The following RNF220 variants were observed in gnomAD, a reference collection of about 807,000 sequenced individuals.
RNF220 encodes ring finger protein 220.
A neutral mutation model predicts 67.1 loss-of-function variants in RNF220; 7 were observed. The ratio of observed to expected loss-of-function variants is 0.10; its 90% CI spans 0.06 to 0.20. The LOEUF (loss-of-function observed/expected upper bound fraction) is 0.20. RNF220 is among the 10% of genes least tolerant of loss of function. The pLI is 1.00. For missense variants in RNF220, 565 were observed against 740.3 expected (o/e 0.76, Z 2.75); for synonymous variants, 270 against 283.2 (o/e 0.95, Z 0.47).
intron 2 of RNF220, among the ~76,000 whole-genome samples, chr1:44,584,744 G>A (rs979942308): frequency 6.6e-6 from 1 of 152,192 alleles, no homozygotes; most frequent in Non-Finnish European, 1.5e-5. Context: ...TGTCGCCTAG[G>A]CTGGAGTGCA....
At chr1:44,619,942 AGT>A (rs956499880) in intron 3 of RNF220, among the ~76,000 whole-genome samples, 3 of 152,172 alleles carry the variant, frequency 2.0e-5, no homozygotes, top group Non-Finnish European at 2.9e-5. Context: ...GACAGTGAAG[AGT>A]GTTGCTAGGA....
chr1:44,625,807 G>A (rs1465952034), intron 4 of RNF220, among the ~76,000 whole-genome samples: 1 of 151,924 alleles, frequency 6.6e-6, no homozygotes, highest in Admixed American at 6.6e-5. Context: ...GGTCATCACC[G>A]TAGCACCGGG....
intron 2 of RNF220, among the ~76,000 whole-genome samples, chr1:44,504,197 T>G (rs1658205225): frequency 6.6e-6 from 1 of 152,172 alleles, no homozygotes; most frequent in African/African-American, 2.4e-5. Flanking sequence ...CTCCGTAAAG[T>G]TCTAGGTATG....
chr1:44,481,182 A>C (rs1655774057), intron 2 of RNF220, among the ~76,000 whole-genome samples: 2 of 152,090 alleles, frequency 1.3e-5, no homozygotes, highest in Admixed American at 6.5e-5. Flanking sequence ...CAGCACGTTG[A>C]GAGGCTGAGG....
intron 2 of RNF220, among the ~76,000 whole-genome samples, chr1:44,513,965 G>A (rs964498282): frequency 2.6e-5 from 4 of 152,224 alleles, no homozygotes; most frequent in African/African-American, 9.6e-5. Flanking sequence ...GAGAAGAAGG[G>A]AGAAAAGAAC....
chr1:44,415,073 T>C (rs1648384512), intron 2 of RNF220, among the ~76,000 whole-genome samples: 1 of 147,252 alleles, frequency 6.8e-6, no homozygotes, highest in Non-Finnish European at 1.5e-5. Flanking sequence ...CTAGATAGCG[T>C]TTGTGCTTTT....
In RNF220 at chr1:44,649,881, A is replaced by G; in HGVS notation, c.1555-2A>G. 1 of 1,613,954 alleles carries G rather than the reference A, an allele frequency of 6.2e-7. No homozygotes were observed. Among genetic ancestry groups the G allele is most frequent in the Non-Finnish European group, 8.5e-7 (1 of 1,179,908 alleles). ...ACCCCTTCTCTGCCCCCTCCTCCCT[A>G]GGACTCGTACTCGATGCCCCTAACG... is the stretch of plus-strand genomic sequence containing the variant. On this transcript the variant is annotated splice_acceptor_variant, in intron 13 of 14. Coordinates refer to ENST00000361799, the MANE Select transcript of RNF220 (RefSeq NM_018150.4). LOFTEE classifies it high-confidence loss of function. The surrounding 1 kb of genome is among the most constrained non-coding windows in gnomAD (Gnocchi z 5.9).
intron 1 of RNF220, among the ~76,000 whole-genome samples, chr1:44,405,796 T>C (rs1325794964): frequency 2.6e-5 from 3 of 116,580 alleles, no homozygotes; most frequent in African/African-American, 9.9e-5. Flanking sequence ...TAATGTGTTT[T>C]ATTTGGGGAG....
intron 2 of RNF220, among the ~76,000 whole-genome samples, chr1:44,460,452 G>A (rs766096238): frequency 6.6e-6 from 1 of 152,220 alleles, no homozygotes; most frequent in South Asian, 2.1e-4. Flanking sequence ...GGAAATGGGT[G>A]TAGGTAACTA....
At chr1:44,636,415 T>G (rs992536287) in intron 8 of RNF220, 3 of 720,356 alleles carry the variant, frequency 4.2e-6, no homozygotes, top group African/African-American at 3.5e-5. Context: ...GGCTCTCAGC[T>G]TCGGGTGATG....
chr1:44,474,990 A>AT (rs377669968), intron 2 of RNF220, among the ~76,000 whole-genome samples: 21 of 150,518 alleles, frequency 1.4e-4, no homozygotes, highest in South Asian at 2.1e-4. Flanking sequence ...CAATTGGAGA[A>AT]TTTTTTTTTT....
At position 44,632,403 on chromosome 1, in the gene RNF220, CCT is replaced by C; in HGVS notation, c.949+20_949+21del. ...ACTGAATGGTGAGTCCTGCCCGGCC[CCT>C]CCCTCCGCCCCACCCCCGGCCTCCT... On this transcript the variant is annotated intron_variant, in intron 6 of 14. Transcript: ENST00000361799. 1.2e-6 allele frequency: 2 copies of C among 1,604,560 alleles called. No individual in the cohort carries two copies. Among genetic ancestry groups the C allele is most frequent in the Non-Finnish European group, 1.7e-6 (2 of 1,175,158 alleles).
chr1:44,590,244 T>G (rs922833817), intron 2 of RNF220, among the ~76,000 whole-genome samples: 3 of 152,174 alleles, frequency 2.0e-5, no homozygotes, highest in African/African-American at 7.2e-5. Flanking sequence ...AGGCAATCAC[T>G]CATATGAGGC....
At chr1:44,532,891 G>C (rs2148195873) in intron 2 of RNF220, among the ~76,000 whole-genome samples, 1 of 152,294 alleles carries the variant, frequency 6.6e-6, no homozygotes, top group East Asian at 1.9e-4. Context: ...AGACCTTCTT[G>C]TCACAGCAGG....
intron 2 of RNF220, among the ~76,000 whole-genome samples, chr1:44,434,563 A>G (rs1198152958): frequency 1.3e-5 from 2 of 152,076 alleles, no homozygotes; most frequent in African/African-American, 4.8e-5. Context: ...AACAACAACA[A>G]AAAATTAGCC....
chr1:44,438,916 G>C (rs9660592), intron 2 of RNF220, among the ~76,000 whole-genome samples: 104,353 of 152,102 alleles, frequency 0.69, 36,055 homozygotes, highest in East Asian at 0.8. Flanking sequence ...AGATACTACT[G>C]TATGTCAACA....
At chr1:44,562,031 T>C (rs1055735485) in intron 2 of RNF220, among the ~76,000 whole-genome samples, 1 of 152,156 alleles carries the variant, frequency 6.6e-6, no homozygotes, top group African/African-American at 2.4e-5. Context: ...CTTAAGGAGT[T>C]AGACCCATTC....
chr1:44,556,574 T>C (rs1156845419), intron 2 of RNF220, among the ~76,000 whole-genome samples: 1 of 149,284 alleles, frequency 6.7e-6, no homozygotes, highest in Non-Finnish European at 1.5e-5. Context: ...TGTTCTTTTT[T>C]TTTTTGACAG....
At chr1:44,608,819 A>T (rs1220208652) in intron 2 of RNF220, among the ~76,000 whole-genome samples, 2 of 152,216 alleles carry the variant, frequency 1.3e-5, no homozygotes, top group Non-Finnish European at 2.9e-5. Context: ...GTGGTAAAAG[A>T]TCTGGATCAT....
Sources: gnomAD v4.1 joint callset for allele counts (sites outside exome capture counted in the v4.1 genomes callset) on GRCh38, gnomAD v4.1.1 for gene constraint, Gnocchi (gnomAD v3.1) non-coding constraint, MANE v1.5 for transcripts, NCBI Gene and HGNC (gene_info 2026-07-23, HGNC 2026-07-21) for gene names.